The following SHB variants were observed in gnomAD, a reference collection of about 807,000 sequenced individuals.
SHB encodes SH2 domain-containing adapter protein B.
A neutral mutation model predicts 52.3 loss-of-function variants in SHB; 20 were observed. That is an observed-to-expected ratio of 0.38 (90% CI 0.27 to 0.56). The LOEUF (loss-of-function observed/expected upper bound fraction) is 0.56. SHB is among the 20% of genes least tolerant of loss of function. The pLI, the probability that SHB is intolerant of heterozygous loss-of-function variation, is 0.71. For synonymous variants in SHB, 397 were observed against 316.5 expected, an observed-to-expected ratio of 1.25 and a Z score of -2.70; for missense variants, 825 against 723.3, an observed-to-expected ratio of 1.14 and a Z score of -1.61.
chr9:37,948,462 ACTC>A (rs1367556644), intron 5 of SHB, among the ~76,000 whole-genome samples, 170 bp downstream of exon 5: 1 of 151,726 alleles, frequency 6.6e-6, no homozygotes, highest in Non-Finnish European at 1.5e-5. Context: ...GAACATAAAA[ACTC>A]CTCTGTATCC....
intron 2 of SHB, among the ~76,000 whole-genome samples, chr9:38,013,531 G>A (rs1357579563): frequency 1.3e-5 from 2 of 152,226 alleles, no homozygotes; most frequent in Admixed American, 6.5e-5. Context: ...TTGAGCCTGG[G>A]AGGCGAAGGT....
chr9:37,933,470 C>T (rs1832336291), intron 5 of SHB, among the ~76,000 whole-genome samples: 1 of 152,142 alleles, frequency 6.6e-6, no homozygotes, highest in South Asian at 2.1e-4. Context: ...CCATGGAGCC[C>T]CAGGGCTGGA....
intron 5 of SHB, among the ~76,000 whole-genome samples, chr9:37,931,016 A>G (rs779947575): frequency 5.3e-5 from 8 of 152,252 alleles, no homozygotes; most frequent in Non-Finnish European, 8.8e-5. Context: ...ACAATGGAGA[A>G]AAGATAATCC....
chr9:37,930,422 GGGGAGGGGACATGCA>G (rs1832299777), intron 5 of SHB, among the ~76,000 whole-genome samples: 1 of 152,126 alleles, frequency 6.6e-6, no homozygotes, highest in Non-Finnish European at 1.5e-5. Flanking sequence ...GATGTGGCAG[GGGGAGGGGACATGCA>G]GGGAGGGGAG....
intron 3 of SHB, among the ~76,000 whole-genome samples, chr9:37,958,722 G>C (rs932859893): frequency 6.6e-6 from 1 of 152,188 alleles, no homozygotes; most frequent in Non-Finnish European, 1.5e-5. Context: ...AAAACCTGGA[G>C]CTGGGGCCCT....
chr9:38,003,349 A>G lies in SHB; in HGVS notation c.838+12662T>C, dbSNP rs7040868. Among the ~76,000 whole-genome samples the G allele has an allele frequency of 2.3e-3, 347 of 152,082 alleles. 1 individual carries two copies. The highest frequency in any genetic ancestry group is 7.9e-3 in the African/African-American group (329 of 41,460). On this transcript the variant is annotated intron_variant, in intron 2 of 5. Coordinates refer to ENST00000377707, the MANE Select transcript of SHB (RefSeq NM_003028.3). Reference sequence around the variant, plus strand: ...AACTCCACCCTTGAACCCTGGGGCTAGGCCATGCCCCTCGCTGCAACCGCT... The same window carrying G: ...AACTCCACCCTTGAACCCTGGGGCTGGGCCATGCCCCTCGCTGCAACCGCT...
At position 38,068,022 on chromosome 9, in the gene SHB, G is replaced by A; in HGVS notation, c.624C>T (p.Arg208=). The A allele has an allele frequency of 6.6e-7, 1 of 1,510,352 alleles. No individual in the cohort carries two copies. The allele number at this position is 1,510,352 out of a possible 1,614,324, so 93.6% of individuals were successfully genotyped here. Residue 208 remains arginine, a synonymous_variant, in exon 1 of 6, where the codon CGC becomes CGT. Transcript: ENST00000377707. Reference sequence around the variant, plus strand: ...CTCCGCAGGCCGTCGGGCTCCAGGTGCGGCCGCCCGCGCAGGCGCCCCCCA... The same window carrying A: ...CTCCGCAGGCCGTCGGGCTCCAGGTACGGCCGCCCGCGCAGGCGCCCCCCA... The part of the protein sequence containing the change: ...DPLGGACAGG[R]TWSPTACGGK...
chr9:37,942,277 G>A (rs1832443475), intron 5 of SHB, among the ~76,000 whole-genome samples: 1 of 152,208 alleles, frequency 6.6e-6, no homozygotes, highest in African/African-American at 2.4e-5. Context: ...GCAATCTGAA[G>A]GACAGGAGGC....
chr9:37,993,718 G>GT (rs1021210229), intron 2 of SHB, among the ~76,000 whole-genome samples: 1 of 152,060 alleles, frequency 6.6e-6, no homozygotes, highest in African/African-American at 2.4e-5. Flanking sequence ...AACTGGGAGT[G>GT]TAAATGTGGA....
intron 3 of SHB, among the ~76,000 whole-genome samples, chr9:37,960,228 TAAG>T (rs1832679118): frequency 6.6e-6 from 1 of 152,224 alleles, no homozygotes; most frequent in East Asian, 1.9e-4. Context: ...AAAAAAATGT[TAAG>T]AACAAAAGCA....
At chr9:37,980,107 C>T (rs111979220) in intron 2 of SHB, among the ~76,000 whole-genome samples, 2 of 152,146 alleles carry the variant, frequency 1.3e-5, no homozygotes, top group African/African-American at 4.8e-5. Context: ...CCCCTCCCCC[C>T]AGCTGTGGGA....
At chr9:38,033,426 TG>T (rs1398763715) in intron 1 of SHB, among the ~76,000 whole-genome samples, 2 of 152,178 alleles carry the variant, frequency 1.3e-5, no homozygotes, top group African/African-American at 4.8e-5. Flanking sequence ...ATACCCCAGC[TG>T]GTGCGGTGGC....
chr9:37,997,510 C>G (rs1213481278), intron 2 of SHB, among the ~76,000 whole-genome samples: 2 of 152,200 alleles, frequency 1.3e-5, no homozygotes, highest in Non-Finnish European at 2.9e-5. Context: ...GAGGTCCCCA[C>G]AGCGCAAAGT....
chr9:37,919,967 T>C lies in SHB; in HGVS notation c.1384A>G (p.Thr462Ala), dbSNP rs1373108434. 1 of 1,614,082 alleles carries C rather than the reference T, an allele frequency of 6.2e-7. No homozygotes were observed. The highest frequency in any genetic ancestry group is 8.5e-7 in the Non-Finnish European group (1 of 1,179,974). Residue 462 changes from threonine (T) to alanine (A), a missense_variant, in exon 6 of 6, where the codon ACC (threonine) becomes GCC (alanine). By Grantham distance (58) the Thr-to-Ala change is moderately conservative (BLOSUM62 0). Transcript: ENST00000377707. ...QGFMHMKLAK[T>A]KEKYVLGQNS... ...TGACCCAGAACGTATTTCTCTTTGG[T>C]TTTGGCCAGTTTCATGTGCATAAAA...
At chr9:37,965,043 G>GA (rs1490656906) in intron 3 of SHB, among the ~76,000 whole-genome samples, 1 of 152,238 alleles carries the variant, frequency 6.6e-6, no homozygotes, top group African/African-American at 2.4e-5. Flanking sequence ...CTGGGAAAGT[G>GA]ACTTTTTCCC....
intron 5 of SHB, among the ~76,000 whole-genome samples, chr9:37,924,234 G>T (rs1479219166): frequency 1.3e-5 from 2 of 152,172 alleles, no homozygotes; most frequent in East Asian, 3.9e-4. Context: ...TCATCATCAG[G>T]ATTATCAAAT....
chr9:37,960,205 C>T (rs10814633), intron 3 of SHB, among the ~76,000 whole-genome samples: 66,936 of 152,016 alleles, frequency 0.44, 14,916 homozygotes, highest in East Asian at 0.77. Flanking sequence ...TGCAGTGATT[C>T]GGCAGCCTAA....
chr9:37,998,610 G>A (rs1349816698), intron 2 of SHB, among the ~76,000 whole-genome samples: 1 of 152,170 alleles, frequency 6.6e-6, no homozygotes. Flanking sequence ...ACGCCACCAC[G>A]CCCAGCTAAT....
At chr9:37,953,835 T>C (rs961435489) in intron 4 of SHB, among the ~76,000 whole-genome samples, 2 of 152,100 alleles carry the variant, frequency 1.3e-5, no homozygotes, top group African/African-American at 4.8e-5. Flanking sequence ...AGCAAACCCC[T>C]CGGGTGATGA....
Sources: allele counts gnomAD v4.1 joint callset (sites outside exome capture counted in the v4.1 genomes callset), GRCh38; gene constraint gnomAD v4.1.1; transcripts MANE v1.5; gene names NCBI Gene and HGNC (gene_info 2026-07-23, HGNC 2026-07-21).